Variants in KMT2E observed in about 807,000 individuals in gnomAD.
KMT2E encodes lysine methyltransferase 2E (inactive).
KMT2E carries 30 observed loss-of-function variants against 184.6 expected under a neutral mutation model. The observed-to-expected ratio is 0.16, with a 90% CI of 0.12 to 0.22. KMT2E has a LOEUF of 0.22. KMT2E is among the 10% of genes least tolerant of loss of function. The pLI is 1.00. For missense variants in KMT2E, 2,023 were observed against 2,237.4 expected, an observed-to-expected ratio of 0.90 and a Z score of 1.93; for synonymous variants, 815 against 776.5, an observed-to-expected ratio of 1.05 and a Z score of -0.82.
At chr7:105,110,161 C>CAAAGT in intron 23 of KMT2E, 119 bp from the exon 24 acceptor site, 2 of 808,674 alleles carry the variant, frequency 2.5e-6, no homozygotes, top group Non-Finnish European at 4.1e-6. Context: ...AGGTTAACAC[C>CAAAGT]AAAGTATTTT....
chr7:105,075,910 G>T lies in KMT2E; in HGVS notation c.730-133G>T, dbSNP rs1327346329. On this transcript the variant is annotated intron_variant, in intron 8 of 26. Transcript: ENST00000311117. The stretch of plus-strand genomic sequence containing the variant: ...GATGCCTTTATTAAACATTCTCCTA[G>T]TGTCAGCTTTCTTGGTTACCAAATT... 3 of 666,054 alleles carry T rather than the reference G, an allele frequency of 4.5e-6. No individual in the cohort carries two copies. The Admixed American group carries it at 8.3e-5, about 18-fold the overall frequency. The allele number at this position is 666,054 out of a possible 1,614,324, so 41.3% of individuals were successfully genotyped here. A position where few individuals can be genotyped will look rare whatever the true frequency, so the allele number is the denominator to read the frequency against.
chr7:105,054,838 T>G (rs543867549), intron 3 of KMT2E, among the ~76,000 whole-genome samples: 1 of 152,072 alleles, frequency 6.6e-6, no homozygotes, highest in African/African-American at 2.4e-5. Context: ...TTTTAATATC[T>G]CTTTGTTAAA....
chr7:105,090,438 G>T (rs549129691), intron 14 of KMT2E, among the ~76,000 whole-genome samples, 165 bp downstream of exon 14: 4 of 152,268 alleles, frequency 2.6e-5, no homozygotes, highest in African/African-American at 9.6e-5. Context: ...GCTAGAATTT[G>T]TACAGTATTT....
Position 105,113,080 on chromosome 7 carries a change from C to T in KMT2E, c.5324C>T (p.Pro1775Leu). The change falls in exon 27 of 27, where the codon CCC becomes CTC. Residue 1775 changes from proline (P) to leucine (L), a missense_variant. Pro to Leu is a moderately conservative substitution (Grantham distance 98, BLOSUM62 -3). Around this residue, in one of 8 missense-constraint regions of KMT2E, gnomAD observed 1,108 missense variants for 1,050.9 expected, o/e 1.05. Transcript: ENST00000311117. ...CATCATACCACTTTGGGACCGGGACCCCAGCACCAGCCTTCTGGAACAGGG... is the reference window on the plus strand; with the variant it reads ...CATCATACCACTTTGGGACCGGGACTCCAGCACCAGCCTTCTGGAACAGGG... ...ATHHTTLGPG[P>L]QHQPSGTGPH... The T allele has an allele frequency of 6.2e-7, 1 of 1,614,154 alleles. No individual in the cohort carries two copies. The highest frequency in any genetic ancestry group is 8.5e-7 in the Non-Finnish European group (1 of 1,180,032).
intron 15 of KMT2E, among the ~76,000 whole-genome samples, chr7:105,095,400 T>G (rs985687486): frequency 2.6e-5 from 4 of 152,196 alleles, no homozygotes; most frequent in African/African-American, 9.6e-5. Flanking sequence ...TGGAGAGAGC[T>G]GTAAATATAT....
At chr7:105,026,299 A>G (rs929688272) in intron 1 of KMT2E, among the ~76,000 whole-genome samples, 11 of 152,202 alleles carry the variant, frequency 7.2e-5, no homozygotes, top group African/African-American at 2.2e-4. Flanking sequence ...AGTGGGGTTT[A>G]TAGGACTCTG....
Position 105,076,985 on chromosome 7 carries a change from C to T in KMT2E, c.791C>T (p.Pro264Leu), listed in dbSNP as rs1451751674. ...TAGGGTTCAGCTCCAGAGATTGATC[C>T]TTCATCTGATGGTTCAAATTTTGGA... ...RVKGSAPEID[P>L]SSDGSNFGWE... The change falls in exon 10 of 27, where the codon CCT becomes CTT. Residue 264 changes from proline (P) to leucine (L), a missense_variant. By Grantham distance (98) the Pro-to-Leu change is moderately conservative. Coordinates refer to ENST00000311117, the MANE Select transcript of KMT2E (RefSeq NM_182931.3). 6 of 1,573,692 alleles carry T rather than the reference C, an allele frequency of 3.8e-6. No individual in the cohort carries two copies. The highest frequency in any genetic ancestry group is 5.2e-6 in the Non-Finnish European group (6 of 1,154,628).
intron 15 of KMT2E, among the ~76,000 whole-genome samples, chr7:105,094,754 T>C (rs923649252): frequency 6.6e-6 from 1 of 152,192 alleles, no homozygotes; most frequent in African/African-American, 2.4e-5. Flanking sequence ...GTTCACAATA[T>C]TAAGATATTT....
At chr7:105,105,765 T>A in intron 18 of KMT2E, 72 bp downstream of exon 18, 1 of 1,560,316 alleles carries the variant, frequency 6.4e-7, no homozygotes, top group South Asian at 1.2e-5. Flanking sequence ...CCATCCATGG[T>A]AGTGAAATGC....
At chr7:105,071,582 G>GTATGTATATA (rs1797297376) in intron 6 of KMT2E, among the ~76,000 whole-genome samples, 1 of 34,944 alleles carries the variant, frequency 2.9e-5, no homozygotes, top group Non-Finnish European at 5.5e-5. Flanking sequence ...ATGTGTGTGT[G>GTATGTATATA]TATATATATA....
rs1443079960 is a variant in KMT2E at position 105,113,538 on chromosome 7, G to A, written c.*205G>A. The A allele has an allele frequency of 2.2e-6, 1 of 459,252 alleles. No homozygotes were observed. The highest frequency in any genetic ancestry group is 3.7e-6 in the Non-Finnish European group (1 of 268,354). The allele number at this position is 459,252 out of a possible 1,614,324, so 28.4% of individuals were successfully genotyped here. ...AGCCAGTATTAGGTATCTTTATTTT[G>A]TAAGTGAACATTCCAGCTGTTTTTT... On this transcript the variant is annotated 3_prime_UTR_variant, in exon 27 of 27. Transcript: ENST00000311117.
rs993313579 is a variant in KMT2E at position 105,044,605 on chromosome 7, A to G, written c.71+3582A>G. ...AACTGGAGATTGGATTATCTGCTCTATAAAATACCTCCTAGGATAGTGCCT... is the reference window on the plus strand; with the variant it reads ...AACTGGAGATTGGATTATCTGCTCTGTAAAATACCTCCTAGGATAGTGCCT... On this transcript the variant is annotated intron_variant, in intron 3 of 26. Coordinates refer to ENST00000311117, the MANE Select transcript of KMT2E (RefSeq NM_182931.3). 4.6e-5 allele frequency among the ~76,000 whole-genome samples: 7 copies of G among 152,160 alleles called. No individual in the cohort carries two copies. In the East Asian group the frequency reaches 1.2e-3, roughly 25 times the overall value.
intron 15 of KMT2E, among the ~76,000 whole-genome samples, chr7:105,092,038 TTGTA>T (rs1474371926): frequency 2.0e-5 from 3 of 152,178 alleles, no homozygotes; most frequent in Non-Finnish European, 4.4e-5. Context: ...CCCCTTTACT[TTGTA>T]TGGTCCTTTG....
chr7:105,071,681 T>A (rs1398619383), intron 6 of KMT2E, among the ~76,000 whole-genome samples: 1 of 134,470 alleles, frequency 7.4e-6, no homozygotes, highest in African/African-American at 2.7e-5. Context: ...ATGGTCTCAA[T>A]CTCCTGACCT....
At chr7:105,111,771 C>A (rs1799298123) in intron 26 of KMT2E, 54 bp from the exon 27 acceptor site, 2 of 1,540,090 alleles carry the variant, frequency 1.3e-6, no homozygotes, top group Non-Finnish European at 1.7e-6. Flanking sequence ...AAGAATAAAC[C>A]TCAAGGTACA....
chr7:105,082,790 G>A (rs1378929617), intron 13 of KMT2E, among the ~76,000 whole-genome samples: 1 of 152,176 alleles, frequency 6.6e-6, no homozygotes, highest in Non-Finnish European at 1.5e-5. Context: ...TTTAGCTTCA[G>A]TGCCCATATC....
intron 3 of KMT2E, among the ~76,000 whole-genome samples, chr7:105,058,146 C>G (rs1016648560): frequency 6.6e-6 from 1 of 152,172 alleles, no homozygotes; most frequent in African/African-American, 2.4e-5. Flanking sequence ...ATGTAATATT[C>G]TACTTCCCCC....
chr7:105,063,021 T>G (rs2129567197), intron 4 of KMT2E, among the ~76,000 whole-genome samples: 1 of 151,538 alleles, frequency 6.6e-6, no homozygotes, highest in Middle Eastern at 3.4e-3. Flanking sequence ...TTTTAACACT[T>G]CTATTCTCAC....
chr7:105,027,556 T>C (rs1227871533), intron 1 of KMT2E, among the ~76,000 whole-genome samples: 1 of 152,246 alleles, frequency 6.6e-6, no homozygotes, highest in East Asian at 1.9e-4. Context: ...GTATTTTTCT[T>C]ATTGGATATG....
Sources: allele counts gnomAD v4.1 joint callset (sites outside exome capture counted in the v4.1 genomes callset), GRCh38; gene constraint gnomAD v4.1.1; regional missense constraint gnomAD v4.1.1; transcripts MANE v1.5; gene names NCBI Gene and HGNC (gene_info 2026-07-23, HGNC 2026-07-21).